The following EEF1AKMT3 variants were observed in gnomAD, a reference collection of about 807,000 sequenced individuals.
EEF1AKMT3 encodes eEF1A-KMT3.
A neutral mutation model predicts 17.8 loss-of-function variants in EEF1AKMT3; 17 were observed. The ratio of observed to expected loss-of-function variants is 0.96; its 90% CI spans 0.65 to 1.43. EEF1AKMT3 has a LOEUF of 1.43. EEF1AKMT3 is among the 40% of genes most tolerant of loss of function. The pLI is 0.00. For synonymous variants in EEF1AKMT3, 116 were observed against 126.5 expected (o/e 0.92, Z 0.56); for missense variants, 244 against 285.8 (o/e 0.85, Z 1.06).
intron 2 of EEF1AKMT3, chr12:57,774,837 G>T: frequency 6.9e-7 from 1 of 1,447,188 alleles, no homozygotes. Flanking sequence ...CGGGCTCGGT[G>T]GCTCATGCCT....
intron 2 of EEF1AKMT3, among the ~76,000 whole-genome samples, chr12:57,775,458 C>T (rs1304282024): frequency 7.2e-5 from 11 of 151,832 alleles, no homozygotes; most frequent in South Asian, 2.1e-4. Context: ...CTCGGCTCAC[C>T]GCAACATCCG....
In EEF1AKMT3 at chr12:57,780,610, CTA is replaced by C; in HGVS notation, c.648_649del (p.Tyr216Ter). Reference protein sequence around the residue: ...QRDEDENVNIYRARHREPRPA With the variant: ...QRDEDENVNIXRARHREPRPA Reference sequence around the variant, plus strand: ...GGGATGAGGATGAAAATGTCAACATCTATAGGGCCAGGCACAGGGAACCAAGA... The same window carrying C: ...GGGATGAGGATGAAAATGTCAACATCTAGGGCCAGGCACAGGGAACCAAGA... On this transcript the variant is annotated frameshift_variant, in exon 3 of 3. Coordinates refer to ENST00000300209, the MANE Select transcript of EEF1AKMT3 (RefSeq NM_015433.3). LOFTEE classifies it high-confidence loss of function. 6.2e-7 allele frequency: 1 copy of C among 1,611,516 alleles called. No homozygotes were observed. The highest frequency in any genetic ancestry group is 8.5e-7 in the Non-Finnish European group (1 of 1,180,024).
In EEF1AKMT3 at chr12:57,778,293, C is replaced by CTTTTTTTTTTTT. The variant is rs56919999; in HGVS notation, c.290-1958_290-1947dup. On this transcript the variant is annotated intron_variant, in intron 2 of 2. Transcript: ENST00000300209. ...CCAAACACCCAGAAACCATCCTGAGCTTTTTTTTTTTTTTTGAGACAGGTT... is the reference window on the plus strand; with the variant it reads ...CCAAACACCCAGAAACCATCCTGAGCTTTTTTTTTTTTTTTTTTTTTTTTTTTGAGACAGGTT... Among the ~76,000 whole-genome samples the CTTTTTTTTTTTT allele has an allele frequency of 4.1e-4, 18 of 43,996 alleles. 8 individuals carry two copies. Among genetic ancestry groups the CTTTTTTTTTTTT allele is most frequent in the East Asian group, 1.8e-3 (1 of 544 alleles). The allele number at this position is 43,996 out of a possible 152,430, so 28.9% of individuals were successfully genotyped here.
intron 2 of EEF1AKMT3, among the ~76,000 whole-genome samples, chr12:57,777,769 G>T (rs1175200344): frequency 6.6e-6 from 1 of 151,978 alleles, no homozygotes; most frequent in Non-Finnish European, 1.5e-5. Flanking sequence ...CCTGTAATCC[G>T]AGCACTTTGG....
rs898741004 is a variant in EEF1AKMT3, at chr12:57,782,448, G to T, written c.*1802G>T. 7.9e-6 allele frequency: 2 copies of T among 254,426 alleles called. No homozygotes were observed. The highest frequency in any genetic ancestry group is 9.3e-5 in the East Asian group (1 of 10,738). The allele number at this position is 254,426 out of a possible 1,614,324, so 15.8% of individuals were successfully genotyped here. ...CCTAGGTGACCTTGGACAAATTCTC[G>T]AACCCATTCACCAACCACACAAGTT... On this transcript the variant is annotated 3_prime_UTR_variant, in exon 3 of 3. Coordinates refer to ENST00000300209, the MANE Select transcript of EEF1AKMT3 (RefSeq NM_015433.3).
intron 2 of EEF1AKMT3, among the ~76,000 whole-genome samples, chr12:57,778,000 C>T (rs1430596216): frequency 7.3e-6 from 1 of 137,826 alleles, no homozygotes; most frequent in East Asian, 2.1e-4. Flanking sequence ...GCCTGGGCAA[C>T]AAGTGCGAGA....
intron 2 of EEF1AKMT3, among the ~76,000 whole-genome samples, chr12:57,775,556 G>A: frequency 6.6e-6 from 1 of 152,034 alleles, no homozygotes; most frequent in African/African-American, 2.4e-5. Flanking sequence ...TAATTTTTGT[G>A]TTTTTAGTAG....
At position 57,772,719 on chromosome 12, in the gene EEF1AKMT3, G is replaced by T; in HGVS notation, c.-6G>T. On this transcript the variant is annotated 5_prime_UTR_variant, in exon 1 of 3. Coordinates refer to ENST00000300209, the MANE Select transcript of EEF1AKMT3 (RefSeq NM_015433.3). This position sits in a 1 kb window ranked among gnomAD's most constrained non-coding sequence, Gnocchi z 4.1. ...GCGGTGCCCAGGCACTCCCTTGGCG[G>T]GCCGGATGGCGGACCCCGGCCCAGA... 25 of 1,611,178 alleles carry T rather than the reference G, an allele frequency of 1.6e-5. No individual in the cohort carries two copies. Among genetic ancestry groups the T allele is most frequent in the Non-Finnish European group, 2.1e-5 (25 of 1,178,406 alleles).
At chr12:57,778,396 G>A (rs1272499719) in intron 2 of EEF1AKMT3, among the ~76,000 whole-genome samples, 1 of 145,232 alleles carries the variant, frequency 6.9e-6, no homozygotes, top group Non-Finnish European at 1.5e-5. Flanking sequence ...ACCTCCCGAG[G>A]CTCAAGCAAT....
chr12:57,777,249 T>C (rs1955486028), intron 2 of EEF1AKMT3, among the ~76,000 whole-genome samples: 4 of 152,222 alleles, frequency 2.6e-5, no homozygotes, highest in South Asian at 2.1e-4. Context: ...ATAAAATGCA[T>C]ATAAATATGC....
intron 2 of EEF1AKMT3, among the ~76,000 whole-genome samples, chr12:57,779,582 A>G (rs764459105): frequency 6.6e-6 from 1 of 152,140 alleles, no homozygotes; most frequent in African/African-American, 2.4e-5. Context: ...CTCACCTTAT[A>G]TACCCAGCAC....
At chr12:57,775,314 T>A (rs1244748164) in intron 2 of EEF1AKMT3, among the ~76,000 whole-genome samples, 2 of 151,776 alleles carry the variant, frequency 1.3e-5, no homozygotes, top group Non-Finnish European at 2.9e-5. Flanking sequence ...CTGGATGTCA[T>A]CTTGTCCCTC....
intron 2 of EEF1AKMT3, among the ~76,000 whole-genome samples, chr12:57,775,041 G>A (rs1955471405): frequency 6.8e-6 from 1 of 147,048 alleles, no homozygotes; most frequent in African/African-American, 2.5e-5. Flanking sequence ...GGAGGCGGAG[G>A]TTGCAGTGAG....
chr12:57,780,214 G>C, intron 2 of EEF1AKMT3, 41 bp from the exon 3 acceptor site: 1 of 1,602,190 alleles, frequency 6.2e-7, no homozygotes, highest in Non-Finnish European at 8.5e-7. Flanking sequence ...ACCCTTGGTT[G>C]GTTCCTCTGA....
chr12:57,774,623 C>A (rs769263412), intron 2 of EEF1AKMT3: 5 of 1,303,346 alleles, frequency 3.8e-6, no homozygotes, highest in Admixed American at 1.8e-5. Context: ...ATTTTCTCTC[C>A]CCAAGGAGCT....
At chr12:57,776,302 T>G (rs561816704) in intron 2 of EEF1AKMT3, among the ~76,000 whole-genome samples, 5 of 152,346 alleles carry the variant, frequency 3.3e-5, no homozygotes, top group South Asian at 4.1e-4. Context: ...AGGCTTACTT[T>G]CTGTCTGAAA....
At chr12:57,779,982 T>G (rs1642089595) in intron 2 of EEF1AKMT3, among the ~76,000 whole-genome samples, 1 of 152,204 alleles carries the variant, frequency 6.6e-6, no homozygotes, top group South Asian at 2.1e-4. Context: ...ATCTCCAGCT[T>G]AGTCCTGCCC....
chr12:57,772,653 A>C lies in EEF1AKMT3; in HGVS notation c.-72A>C, dbSNP rs893020658. On this transcript the variant is annotated 5_prime_UTR_variant, in exon 1 of 3. Transcript: ENST00000300209. The surrounding 1 kb of genome is among the most constrained non-coding windows in gnomAD (Gnocchi z 4.1). ...GACACCACGACGGCTCGCGGCCCCC[A>C]GCCTCTACCCCGCTCCGGATCCGGG... The C allele has an allele frequency of 2.7e-6, 4 of 1,483,714 alleles. No individual in the cohort carries two copies. The highest frequency in any genetic ancestry group is 3.6e-6 in the Non-Finnish European group (4 of 1,112,880). 91.9% of individuals were successfully genotyped at this position (1,483,714 alleles called of 1,614,324 possible). A position where few individuals can be genotyped will look rare whatever the true frequency, so the allele number is the denominator to read the frequency against.
chr12:57,776,849 C>T (rs1165569752), intron 2 of EEF1AKMT3, among the ~76,000 whole-genome samples: 2 of 152,068 alleles, frequency 1.3e-5, no homozygotes, highest in Non-Finnish European at 2.9e-5. Flanking sequence ...TGGGGTTTCA[C>T]CATGTTGGCC....
Sources: gnomAD v4.1 joint callset for allele counts (sites outside exome capture counted in the v4.1 genomes callset) on GRCh38, gnomAD v4.1.1 for gene constraint, Gnocchi (gnomAD v3.1) non-coding constraint, MANE v1.5 for transcripts, NCBI Gene and HGNC (gene_info 2026-07-23, HGNC 2026-07-21) for gene names.